CLEC4A: variants seen among roughly 807,000 people sequenced by gnomAD.
CLEC4A encodes the protein C-type lectin domain family 4 member A.
CLEC4A carries 27 observed loss-of-function variants against 32.7 expected under a neutral mutation model. The observed-to-expected ratio is 0.83, with a 90% CI of 0.61 to 1.14. The LOEUF is 1.14. Among genes scored for constraint, CLEC4A ranks in the 50% most tolerant of loss-of-function variants. The pLI, the probability that CLEC4A is intolerant of heterozygous loss-of-function variation, is 0.00. For synonymous variants in CLEC4A, 89 were observed against 93.7 expected, an observed-to-expected ratio of 0.95 and a Z score of 0.29; for missense variants, 253 against 274.6, an observed-to-expected ratio of 0.92 and a Z score of 0.55.
chr12:8,126,245 C>T (rs1947899607), intron 2 of CLEC4A, among the ~76,000 whole-genome samples: 1 of 152,160 alleles, frequency 6.6e-6, no homozygotes, highest in South Asian at 2.1e-4. Context: ...GGTTCTGTCA[C>T]CCAGGCTGGA....
At chr12:8,118,505 C>T in the CLEC4A span, among the ~76,000 whole-genome samples, 212 of 152,144 alleles carry the variant, frequency 1.4e-3, no homozygotes, top group African/African-American at 4.8e-3. Context: ...TTTTTGAGGA[C>T]ACTTCAGGAA....
At chr12:8,109,375 G>GAC in the CLEC4A span, among the ~76,000 whole-genome samples, 3 of 152,136 alleles carry the variant, frequency 2.0e-5, no homozygotes, top group African/African-American at 7.2e-5. Context: ...GGGCAGTAAA[G>GAC]AGTAGTGGTC....
intron 3 of CLEC4A, 71 bp downstream of exon 3, chr12:8,129,433 T>A: frequency 1.0e-6 from 1 of 1,003,066 alleles, no homozygotes. Context: ...ATATTTCCAG[T>A]AAGATTCCCA....
At chr12:8,121,225 T>G (rs1216494692), upstream of CLEC4A, 3 of 152,198 alleles carry the variant, frequency 2.0e-5, no homozygotes, top group East Asian at 5.8e-4. Context: ...GTTTTAGGAA[T>G]ATGGTTTGCT....
At chr12:8,107,669 C>A in the CLEC4A span, among the ~76,000 whole-genome samples, 1 of 151,690 alleles carries the variant, frequency 6.6e-6, no homozygotes, top group Non-Finnish European at 1.5e-5. Flanking sequence ...AGTTTGTGTG[C>A]ATAGAGGTGT....
At chr12:8,104,606 T>A in the CLEC4A span, among the ~76,000 whole-genome samples, 1 of 152,174 alleles carries the variant, frequency 6.6e-6, no homozygotes, top group African/African-American at 2.4e-5. Flanking sequence ...GATTCAGAGG[T>A]ATATATGCAG....
chr12:8,124,012 A>G (rs1947861411), intron 1 of CLEC4A, 52 bp downstream of exon 1: 1 of 1,215,858 alleles, frequency 8.2e-7, no homozygotes, highest in Admixed American at 1.7e-5. Flanking sequence ...AAGGATGAGG[A>G]GAGGGTTTAT....
the CLEC4A span, among the ~76,000 whole-genome samples, chr12:8,112,261 C>G: frequency 1.3e-5 from 2 of 152,186 alleles, no homozygotes; most frequent in African/African-American, 4.8e-5. Flanking sequence ...AGCTACCGCA[C>G]CTGGCCTACG....
At chr12:8,130,144 C>T (rs751239062) in intron 3 of CLEC4A, among the ~76,000 whole-genome samples, 18 of 152,176 alleles carry the variant, frequency 1.2e-4, no homozygotes, top group African/African-American at 4.1e-4. Context: ...TCCTAAAATT[C>T]GTATATGTAC....
At chr12:8,137,315 G>C (rs1371176986) in intron 5 of CLEC4A, among the ~76,000 whole-genome samples, 1 of 151,890 alleles carries the variant, frequency 6.6e-6, no homozygotes, top group African/African-American at 2.4e-5. Flanking sequence ...GTCTTACTCT[G>C]TCAACCAGGC....
At chr12:8,103,396 T>G in the CLEC4A span, among the ~76,000 whole-genome samples, 1 of 128,672 alleles carries the variant, frequency 7.8e-6, no homozygotes, top group African/African-American at 2.9e-5. Context: ...TTTTTTTTTT[T>G]TTTTTTTTTA....
At chr12:8,131,009 T>C (rs767912554) in intron 3 of CLEC4A, among the ~76,000 whole-genome samples, 1 of 152,326 alleles carries the variant, frequency 6.6e-6, no homozygotes, top group East Asian at 1.9e-4. Context: ...TTGATGACCC[T>C]GACAGTTTTG....
At chr12:8,104,855 T>C in the CLEC4A span, among the ~76,000 whole-genome samples, 1 of 152,218 alleles carries the variant, frequency 6.6e-6, no homozygotes, top group Non-Finnish European at 1.5e-5. Context: ...ATTAGTTCAC[T>C]TAGGTTTATG....
chr12:8,115,646 A>G, the CLEC4A span, among the ~76,000 whole-genome samples: 1 of 152,228 alleles, frequency 6.6e-6, no homozygotes, highest in Admixed American at 6.5e-5. Flanking sequence ...AGAGTTATAT[A>G]GATCTGAAGA....
intron 5 of CLEC4A, among the ~76,000 whole-genome samples, chr12:8,137,917 A>G (rs1277813909): frequency 6.6e-6 from 1 of 152,192 alleles, no homozygotes; most frequent in Admixed American, 6.5e-5. Context: ...GAGGATATTC[A>G]AAGCAGTAAG....
At position 8,128,599 on chromosome 12, in the gene CLEC4A, C is replaced by G. The variant is rs772581603; in HGVS notation, c.200-665C>G. On this transcript the variant is annotated intron_variant, in intron 2 of 5. Coordinates refer to ENST00000229332, the MANE Select transcript of CLEC4A (RefSeq NM_016184.4). Reference sequence around the variant, plus strand: ...CTGATTTTTGTACTTTGAGTAGAGACGAGGTTTCACCATCTTGGCCAGGCT... The same window carrying G: ...CTGATTTTTGTACTTTGAGTAGAGAGGAGGTTTCACCATCTTGGCCAGGCT... 2.6e-5 allele frequency among the ~76,000 whole-genome samples: 4 copies of G among 152,124 alleles called. No homozygotes were observed. The East Asian group carries it at 7.7e-4, about 29-fold the overall frequency.
In CLEC4A at chr12:8,123,796, C is replaced by A; in HGVS notation, c.-83C>A. ...GTGAAAGGAAGGAGGTAATTTACCA[C>A]CATGTTTGGTTCCTGTTTATAAGAT... On this transcript the variant is annotated 5_prime_UTR_variant, in exon 1 of 6. Coordinates refer to ENST00000229332, the MANE Select transcript of CLEC4A (RefSeq NM_016184.4). 1.1e-6 allele frequency: 1 copy of A among 932,124 alleles called. No homozygotes were observed. The highest frequency in any genetic ancestry group is 1.7e-6 in the Non-Finnish European group (1 of 573,970). The allele number at this position is 932,124 out of a possible 1,614,324, so 57.7% of individuals were successfully genotyped here.
the CLEC4A span, among the ~76,000 whole-genome samples, chr12:8,115,779 A>G: frequency 1.3e-5 from 2 of 151,538 alleles, no homozygotes; most frequent in Admixed American, 6.6e-5. Flanking sequence ...ATATACATAT[A>G]TGTCATATAT....
chr12:8,109,502 A>T, the CLEC4A span, among the ~76,000 whole-genome samples: 1 of 152,216 alleles, frequency 6.6e-6, no homozygotes, highest in African/African-American at 2.4e-5. Context: ...GTTTCCTCAT[A>T]TACGAAATTA....
Sources: gnomAD v4.1 joint callset for allele counts (sites outside exome capture counted in the v4.1 genomes callset) on GRCh38, gnomAD v4.1.1 for gene constraint, MANE v1.5 for transcripts, NCBI Gene and HGNC (gene_info 2026-07-23, HGNC 2026-07-21) for gene names.